FABP12: variants seen among roughly 807,000 people sequenced by gnomAD.
FABP12 encodes the protein fatty acid binding protein 12, also known as fatty acid-binding protein 12.
A neutral mutation model predicts 13.7 loss-of-function variants in FABP12; 19 were observed. That is an observed-to-expected ratio of 1.39 (90% CI 0.97 to 2.04). The LOEUF (loss-of-function observed/expected upper bound fraction) is 2.04, where lower values mean the gene tolerates loss of function less well. FABP12 is among the 30% of genes most tolerant of loss of function. The pLI is 0.00. For synonymous variants in FABP12, 61 were observed against 57.0 expected (o/e 1.07, Z -0.32); for missense variants, 182 against 164.2 (o/e 1.11, Z -0.59).
intron 1 of FABP12, among the ~76,000 whole-genome samples, chr8:81,557,047 G>A (rs995343291): frequency 8.6e-5 from 13 of 151,632 alleles, no homozygotes; most frequent in African/African-American, 3.1e-4. Flanking sequence ...GCTTATTTTT[G>A]TATTTTTAGT....
rs562957855 is a variant in FABP12, at chr8:81,571,390, C to T, written c.-185+18663G>A. Among the ~76,000 whole-genome samples, 11 of 152,310 alleles carry T rather than the reference C, an allele frequency of 7.2e-5. No homozygotes were observed. In the South Asian group the frequency reaches 2.3e-3, roughly 32 times the overall value. On this transcript the variant is annotated intron_variant, in intron 1 of 5. Coordinates refer to the FABP12 transcript ENST00000692030. Reference sequence around the variant, plus strand: ...GGACCCTGGGGTGGGTCCGCCTGGCCGTAGGAGGATGGGGGCGGCGCAGAT... The same window carrying T: ...GGACCCTGGGGTGGGTCCGCCTGGCTGTAGGAGGATGGGGGCGGCGCAGAT...
At chr8:81,566,196 C>T (rs1809815901) in intron 1 of FABP12, among the ~76,000 whole-genome samples, 1 of 151,866 alleles carries the variant, frequency 6.6e-6, no homozygotes, top group Non-Finnish European at 1.5e-5. Context: ...CAAAGAATGC[C>T]ATCAGTGACC....
chr8:81,540,147 G>C (rs747736544), intron 1 of FABP12, among the ~76,000 whole-genome samples: 3 of 152,224 alleles, frequency 2.0e-5, no homozygotes, highest in Non-Finnish European at 2.9e-5. Flanking sequence ...GGACTAGGCG[G>C]CATCACCATC....
At chr8:81,545,155 A>G (rs6473285) in intron 1 of FABP12, among the ~76,000 whole-genome samples, 40,334 of 151,966 alleles carry the variant, frequency 0.27, 6,616 homozygotes, top group African/African-American at 0.48. Flanking sequence ...CAAATAGCTG[A>G]GATTACAGGC....
chr8:81,527,766 C>A (rs543864317), intron 3 of FABP12, among the ~76,000 whole-genome samples: 1 of 152,078 alleles, frequency 6.6e-6, no homozygotes, highest in Non-Finnish European at 1.5e-5. Flanking sequence ...AAACTCCAGC[C>A]TGGACAGCAC....
At chr8:81,559,816 A>G (rs1263499768) in intron 1 of FABP12, among the ~76,000 whole-genome samples, 1 of 152,218 alleles carries the variant, frequency 6.6e-6, no homozygotes, top group African/African-American at 2.4e-5. Context: ...AAATTTGTCT[A>G]CAGGATGAAG....
chr8:81,530,436 A>T (rs1809037544), intron 2 of FABP12, among the ~76,000 whole-genome samples: 1 of 152,214 alleles, frequency 6.6e-6, no homozygotes, highest in Non-Finnish European at 1.5e-5. Flanking sequence ...TGCAGTGAAC[A>T]TCCTTGTATA....
At chr8:81,527,521 C>T (rs2129925751) in intron 3 of FABP12, among the ~76,000 whole-genome samples, 1 of 152,158 alleles carries the variant, frequency 6.6e-6, no homozygotes, top group East Asian at 1.9e-4. Flanking sequence ...TACCACCACG[C>T]CCAGCTAATT....
chr8:81,552,752 A>T (rs1254406563), intron 1 of FABP12, among the ~76,000 whole-genome samples: 1 of 152,142 alleles, frequency 6.6e-6, no homozygotes, highest in Non-Finnish European at 1.5e-5. Context: ...CACACAGTAG[A>T]AGATGATGAA....
At chr8:81,558,360 G>T (rs966005221) in intron 1 of FABP12, among the ~76,000 whole-genome samples, 38 of 152,156 alleles carry the variant, frequency 2.5e-4, no homozygotes, top group Admixed American at 7.2e-4. Context: ...CGGATTTTGA[G>T]CAATTTGCAG....
upstream of FABP12, among the ~76,000 whole-genome samples, chr8:81,537,023 T>C (rs1247001706): frequency 6.6e-6 from 1 of 152,216 alleles, no homozygotes; most frequent in African/African-American, 2.4e-5. Context: ...TAACAACTAC[T>C]ATAGGCTTTC....
intron 1 of FABP12, among the ~76,000 whole-genome samples, chr8:81,556,465 T>C (rs570603052): frequency 1.6e-4 from 24 of 152,268 alleles, no homozygotes; most frequent in Admixed American, 1.0e-3. Flanking sequence ...CCAGAACTCA[T>C]TGAGTACTTC....
At chr8:81,537,592 C>A (rs140271821), upstream of FABP12, among the ~76,000 whole-genome samples, 1 of 152,232 alleles carries the variant, frequency 6.6e-6, no homozygotes, top group East Asian at 1.9e-4. Context: ...AAATTAGCGA[C>A]CTAAATATCT....
chr8:81,531,220 A>T, intron 2 of FABP12, 23 bp downstream of exon 2: 1 of 1,554,344 alleles, frequency 6.4e-7, no homozygotes, highest in South Asian at 1.1e-5. Flanking sequence ...ACTGGATATG[A>T]TATGCAAGTA....
upstream of FABP12, among the ~76,000 whole-genome samples, chr8:81,538,865 T>C (rs953217275): frequency 5.9e-5 from 9 of 152,238 alleles, no homozygotes; most frequent in Admixed American, 2.6e-4. Flanking sequence ...TTTTATTGTT[T>C]TTGAGATGGA....
chr8:81,529,276 C>A, intron 3 of FABP12, 162 bp downstream of exon 3: 1 of 711,138 alleles, frequency 1.4e-6, no homozygotes, highest in African/African-American at 2.0e-5. Flanking sequence ...ACAAGCATCC[C>A]AGAAGATTTG....
intron 1 of FABP12, among the ~76,000 whole-genome samples, chr8:81,553,464 T>C (rs1007284320): frequency 6.6e-6 from 1 of 152,226 alleles, no homozygotes; most frequent in African/African-American, 2.4e-5. Flanking sequence ...TCACTTGATA[T>C]GGTAAAGTCA....
At chr8:81,546,458 C>T (rs937301222) in intron 1 of FABP12, among the ~76,000 whole-genome samples, 7 of 151,328 alleles carry the variant, frequency 4.6e-5, no homozygotes, top group Non-Finnish European at 1.0e-4. Context: ...TGTAGACCAT[C>T]CTGGCTAACA....
At chr8:81,537,257 AT>A (rs1809245684), upstream of FABP12, among the ~76,000 whole-genome samples, 1 of 152,214 alleles carries the variant, frequency 6.6e-6, no homozygotes, top group Non-Finnish European at 1.5e-5. Context: ...AGAATCAAAA[AT>A]TAATTGTGTA....
Sources: allele counts gnomAD v4.1 joint callset (sites outside exome capture counted in the v4.1 genomes callset), GRCh38; gene constraint gnomAD v4.1.1; transcripts MANE v1.5; gene names NCBI Gene and HGNC (gene_info 2026-07-23, HGNC 2026-07-21).